The following NRG2 variants were observed in gnomAD, a reference collection of about 807,000 sequenced individuals.
NRG2 encodes pro-neuregulin-2, membrane-bound isoform.
In NRG2, 27 loss-of-function variants were observed where a neutral mutation model predicts 73.9. That is an observed-to-expected ratio of 0.37 (90% CI 0.27 to 0.50). The LOEUF (loss-of-function observed/expected upper bound fraction) is 0.50. Ranked by LOEUF, NRG2 falls within the 20% of genes least tolerant of loss-of-function variation. NRG2 has a pLI of 0.96. For synonymous variants in NRG2, 532 were observed against 541.0 expected, an observed-to-expected ratio of 0.98 and a Z score of 0.23; for missense variants, 1,126 against 1,210.1, an observed-to-expected ratio of 0.93 and a Z score of 1.03.
chr5:140,001,144 T>A (rs1758436826), intron 1 of NRG2, among the ~76,000 whole-genome samples: 1 of 152,168 alleles, frequency 6.6e-6, no homozygotes, highest in Non-Finnish European at 1.5e-5. Context: ...TGATCTCCCA[T>A]CGGTATCCAT....
chr5:139,848,355 G>A lies in NRG2; in HGVS notation c.2115C>T (p.Phe705=). 1 of 1,225,072 alleles carries A rather than the reference G, an allele frequency of 8.2e-7. No individual in the cohort carries two copies. Among genetic ancestry groups the A allele is most frequent in the Non-Finnish European group, 1.0e-6 (1 of 986,562 alleles). The allele number at this position is 1,225,072 out of a possible 1,614,324, so 75.9% of individuals were successfully genotyped here. Residue 705 remains phenylalanine, a synonymous_variant, in exon 10 of 10, where the codon TTC becomes TTT. Coordinates refer to ENST00000361474, the MANE Select transcript of NRG2 (RefSeq NM_004883.3). ...CGTACTCGTCGTCCTCGGGGATGCG[G>A]AAGGGGCTGGCAGGCAGGCTGCCCA... ...GSLGSLPASP[F]RIPEDDEYET...
intron 1 of NRG2, among the ~76,000 whole-genome samples, chr5:140,015,263 G>A (rs1759678701): frequency 6.6e-6 from 1 of 152,102 alleles, no homozygotes; most frequent in South Asian, 2.1e-4. Context: ...CATGAGGGCA[G>A]AGATTTCTGT....
intron 1 of NRG2, among the ~76,000 whole-genome samples, chr5:139,950,654 G>A (rs969542789): frequency 2.6e-5 from 4 of 152,140 alleles, no homozygotes; most frequent in African/African-American, 4.8e-5. Context: ...CTTTCCACAC[G>A]CCAGAATTAA....
At chr5:139,862,271 G>C (rs1419508611) in intron 5 of NRG2, among the ~76,000 whole-genome samples, 1 of 152,346 alleles carries the variant, frequency 6.6e-6, no homozygotes, top group Non-Finnish European at 1.5e-5. Context: ...TCAAAGGCCA[G>C]TACTGTTTAG....
intron 1 of NRG2, among the ~76,000 whole-genome samples, chr5:140,000,657 C>A (rs1758390061): frequency 6.6e-6 from 1 of 152,230 alleles, no homozygotes. Context: ...CTCCTTCCTG[C>A]ACTCTGTCGG....
chr5:139,993,181 C>A (rs1254379207), intron 1 of NRG2, among the ~76,000 whole-genome samples: 1 of 151,866 alleles, frequency 6.6e-6, no homozygotes, highest in Non-Finnish European at 1.5e-5. Flanking sequence ...TTAGGGAGAA[C>A]AGTCCTCCTC....
intron 1 of NRG2, among the ~76,000 whole-genome samples, chr5:139,978,844 A>G (rs1480130012): frequency 1.3e-5 from 2 of 152,084 alleles, no homozygotes; most frequent in African/African-American, 4.8e-5. Flanking sequence ...CCAAATGTCC[A>G]TCAATGATAG....
intron 1 of NRG2, among the ~76,000 whole-genome samples, chr5:139,926,598 G>A (rs1236196157): frequency 6.6e-6 from 1 of 152,140 alleles, no homozygotes; most frequent in Non-Finnish European, 1.5e-5. Context: ...CCTGTGCATA[G>A]ACCTCTGGGC....
chr5:139,894,774 G>A lies in NRG2; in HGVS notation c.701-7263C>T, dbSNP rs73271428. Among the ~76,000 whole-genome samples, 2,736 of 152,268 alleles carry A rather than the reference G, an allele frequency of 0.018. 94 individuals carry two copies. The highest frequency in any genetic ancestry group is 0.062 in the African/African-American group (2,562 of 41,534). Reference sequence around the variant, plus strand: ...AGGGATTTGGTGCCAAATAAGACATGGCCCTGGTGTCGGGTTGGTCTCTGC... The same window carrying A: ...AGGGATTTGGTGCCAAATAAGACATAGCCCTGGTGTCGGGTTGGTCTCTGC... On this transcript the variant is annotated intron_variant, in intron 1 of 9. Transcript: ENST00000361474. The surrounding 1 kb of genome is among the most constrained non-coding windows in gnomAD (Gnocchi z 5.0).
At chr5:139,880,593 C>T (rs1763469095) in intron 3 of NRG2, among the ~76,000 whole-genome samples, 3 of 152,164 alleles carry the variant, frequency 2.0e-5, no homozygotes, top group South Asian at 4.1e-4. Context: ...CCCACCCCCA[C>T]CTCTTGATTT....
intron 5 of NRG2, chr5:139,864,990 C>G (rs774419071): frequency 1.2e-6 from 1 of 844,994 alleles, no homozygotes; most frequent in South Asian, 1.4e-5. Flanking sequence ...GTGTTTCCGT[C>G]TCCTCTAAGG....
intron 1 of NRG2, among the ~76,000 whole-genome samples, chr5:139,913,048 A>T (rs1750960803): frequency 6.6e-6 from 1 of 151,822 alleles, no homozygotes. Flanking sequence ...GGAAACCTCT[A>T]CCCTTCCAAG....
chr5:139,897,640 C>A (rs1035307386), intron 1 of NRG2, among the ~76,000 whole-genome samples: 1 of 152,182 alleles, frequency 6.6e-6, no homozygotes, highest in Non-Finnish European at 1.5e-5. Context: ...TGAATTAATG[C>A]TGTAAGGCTG....
chr5:139,860,875 C>T (rs1385595476), intron 5 of NRG2, among the ~76,000 whole-genome samples: 4 of 152,114 alleles, frequency 2.6e-5, no homozygotes, highest in Non-Finnish European at 4.4e-5. Context: ...GTCTCAGGCT[C>T]TTCTCTGTTA....
At chr5:140,004,379 G>A (rs191282622) in intron 1 of NRG2, among the ~76,000 whole-genome samples, 33 of 152,230 alleles carry the variant, frequency 2.2e-4, no homozygotes, top group Non-Finnish European at 4.1e-4. Flanking sequence ...GCCAAAGTTG[G>A]AAGAGAAAAA....
rs116700172 is a variant in NRG2, at chr5:139,973,214, T to C, written c.700+69156A>G. Among the ~76,000 whole-genome samples, 824 of 136,420 alleles carry C rather than the reference T, an allele frequency of 6.0e-3. 9 individuals carry two copies. Among genetic ancestry groups the C allele is most frequent in the African/African-American group, 0.021 (787 of 37,692 alleles). The allele number at this position is 136,420 out of a possible 152,430, so 89.5% of individuals were successfully genotyped here. A position where few individuals can be genotyped will look rare whatever the true frequency, so the allele number is the denominator to read the frequency against. On this transcript the variant is annotated intron_variant, in intron 1 of 9. Transcript: ENST00000361474. ...GAAGTGCAACTGGCATAATAAAAAA[T>C]TAAAAATAAACTAAATTTCTAATAA... is the stretch of plus-strand genomic sequence containing the variant.
At chr5:139,897,625 G>A (rs1764628606) in intron 1 of NRG2, among the ~76,000 whole-genome samples, 1 of 152,212 alleles carries the variant, frequency 6.6e-6, no homozygotes, top group Non-Finnish European at 1.5e-5. Flanking sequence ...CACAGGCCAA[G>A]TAAATGAATT....
chr5:139,917,164 T>C (rs1339885359), intron 1 of NRG2, among the ~76,000 whole-genome samples: 1 of 152,218 alleles, frequency 6.6e-6, no homozygotes, highest in East Asian at 1.9e-4. Context: ...TTTATTGAGG[T>C]ATAATTCACA....
At chr5:139,927,230 G>T (rs1006729294) in intron 1 of NRG2, among the ~76,000 whole-genome samples, 1 of 152,214 alleles carries the variant, frequency 6.6e-6, no homozygotes, top group Admixed American at 6.5e-5. Flanking sequence ...GTCTCTCCAG[G>T]AGACCATACT....
Sources: allele counts gnomAD v4.1 joint callset (sites outside exome capture counted in the v4.1 genomes callset), GRCh38; gene constraint gnomAD v4.1.1; non-coding constraint Gnocchi (gnomAD v3.1); transcripts MANE v1.5; gene names NCBI Gene and HGNC (gene_info 2026-07-23, HGNC 2026-07-21).